The following CHN2 variants were observed in gnomAD, a reference collection of about 807,000 sequenced individuals.
The protein encoded by CHN2 is chimerin 2, also known as beta-chimaerin.
In CHN2, 35 loss-of-function variants were observed where a neutral mutation model predicts 56.3. That is an observed-to-expected ratio of 0.62 (90% confidence interval 0.47 to 0.82). The LOEUF (loss-of-function observed/expected upper bound fraction) is 0.82, where lower values mean the gene tolerates loss of function less well. Among genes scored for constraint, CHN2 ranks in the 40% least tolerant of loss-of-function variants. The pLI is 0.00. For missense variants in CHN2, 491 were observed against 580.5 expected (o/e 0.85, Z 1.58); for synonymous variants, 210 against 212.8 (o/e 0.99, Z 0.12).
chr7:29,284,794 CT>C (rs1431753450), intron 1 of CHN2, among the ~76,000 whole-genome samples: 1 of 152,218 alleles, frequency 6.6e-6, no homozygotes, highest in Non-Finnish European at 1.5e-5. Context: ...TCGTTTTAAG[CT>C]GCTAAGTTTG....
At chr7:29,241,365 C>A (rs368084037) in intron 1 of CHN2, among the ~76,000 whole-genome samples, 1 of 152,092 alleles carries the variant, frequency 6.6e-6, no homozygotes, top group Non-Finnish European at 1.5e-5. Context: ...TCCCACCTGG[C>A]CTTTGGAATC....
intron 1 of CHN2, among the ~76,000 whole-genome samples, chr7:29,206,818 GA>G (rs2128774832): frequency 6.6e-6 from 1 of 152,214 alleles, no homozygotes; most frequent in African/African-American, 2.4e-5. Flanking sequence ...GATGAGCCTG[GA>G]AAACAGTATG....
rs568593038 is a variant in CHN2, at chr7:29,225,306, C to T, written c.49+30316C>T. 9.9e-5 allele frequency among the ~76,000 whole-genome samples: 15 copies of T among 152,126 alleles called. No homozygotes were observed. In the South Asian group the frequency reaches 2.9e-3, roughly 29 times the overall value. ...GTTGTACCTGGACATAGAGAATTAG[C>T]CTGGAAAGATTTGTTGCTACCAAAT... On this transcript the variant is annotated intron_variant, in intron 1 of 12. Transcript: ENST00000222792.
intron 1 of CHN2, among the ~76,000 whole-genome samples, chr7:29,333,267 G>C (rs908234847): frequency 6.6e-6 from 1 of 152,158 alleles, no homozygotes; most frequent in African/African-American, 2.4e-5. Context: ...CACACCAGGC[G>C]TCAGTGGAGG....
chr7:29,334,115 G>A (rs1387985880), intron 1 of CHN2, among the ~76,000 whole-genome samples: 5 of 145,746 alleles, frequency 3.4e-5, no homozygotes, highest in Non-Finnish European at 6.0e-5. Flanking sequence ...GCAGTGGCGC[G>A]ATCTCGGCTC....
At chr7:29,427,388 A>T (rs1486816668) in intron 6 of CHN2, among the ~76,000 whole-genome samples, 1 of 152,168 alleles carries the variant, frequency 6.6e-6, no homozygotes, top group African/African-American at 2.4e-5. Context: ...GACTAATTAC[A>T]TCTGCAGAAT....
intron 3 of CHN2, among the ~76,000 whole-genome samples, chr7:29,381,250 G>T (rs773835307): frequency 2.6e-5 from 4 of 152,158 alleles, no homozygotes; most frequent in Admixed American, 2.6e-4. Flanking sequence ...GCCTCCTGGG[G>T]ATCTGGCTTG....
At chr7:29,174,896 G>GGAACAAGAA (rs1051221473) in intron 2 of CHN2, among the ~76,000 whole-genome samples, 1 of 150,794 alleles carries the variant, frequency 6.6e-6, no homozygotes, top group Non-Finnish European at 1.5e-5. Context: ...GAGAGATACA[G>GGAACAAGAA]GAACAAGAAG....
Position 29,393,713 on chromosome 7 carries a change from A to G in CHN2, c.176+3A>G. On this transcript the variant is annotated splice_donor_region_variant and intron_variant, in intron 4 of 12. Coordinates refer to ENST00000222792, the MANE Select transcript of CHN2 (RefSeq NM_004067.4). ...AGACCAAAATATTATGGAAGAGAGT[A>G]TGTATTATACTATTCTTTGTTTTAA... 1.2e-6 allele frequency: 1 copy of G among 862,220 alleles called. No homozygotes were observed. The highest frequency in any genetic ancestry group is 1.7e-6 in the Non-Finnish European group (1 of 578,880). 53.4% of individuals were successfully genotyped at this position (862,220 alleles called of 1,614,324 possible). A position where few individuals can be genotyped will look rare whatever the true frequency, so the allele number is the denominator to read the frequency against.
intron 1 of CHN2, among the ~76,000 whole-genome samples, chr7:29,321,848 C>T (rs749444058): frequency 9.3e-4 from 141 of 152,210 alleles, no homozygotes; most frequent in Non-Finnish European, 1.4e-3. Context: ...GGGATACAGG[C>T]GTGAGCCACC....
chr7:29,347,550 C>T (rs1363854586), intron 1 of CHN2, among the ~76,000 whole-genome samples: 1 of 152,088 alleles, frequency 6.6e-6, no homozygotes, highest in Admixed American at 6.6e-5. Flanking sequence ...CACTTTTAAG[C>T]CATCAAATCT....
At chr7:29,437,966 A>T (rs1783364059) in intron 6 of CHN2, among the ~76,000 whole-genome samples, 1 of 152,180 alleles carries the variant, frequency 6.6e-6, no homozygotes, top group Non-Finnish European at 1.5e-5. Context: ...TTTTGAGTGG[A>T]TTTCTAGATG....
At chr7:29,221,924 G>C (rs188053952) in intron 1 of CHN2, among the ~76,000 whole-genome samples, 1 of 152,078 alleles carries the variant, frequency 6.6e-6, no homozygotes, top group Non-Finnish European at 1.5e-5. Context: ...GTGAACATAC[G>C]CATGCATGTA....
chr7:29,247,668 G>T (rs1360640271), intron 1 of CHN2, among the ~76,000 whole-genome samples: 2 of 152,218 alleles, frequency 1.3e-5, no homozygotes, highest in Admixed American at 6.5e-5. Flanking sequence ...TCACCGCCCC[G>T]ATGGTGCCTC....
chr7:29,422,172 A>G (rs958510220), intron 6 of CHN2, among the ~76,000 whole-genome samples: 1 of 152,074 alleles, frequency 6.6e-6, no homozygotes, highest in African/African-American at 2.4e-5. Flanking sequence ...TTCCGGGTCA[A>G]GTGTGTTAAT....
intron 3 of CHN2, among the ~76,000 whole-genome samples, chr7:29,374,728 A>G (rs570968992): frequency 6.6e-6 from 1 of 152,282 alleles, no homozygotes. Context: ...ATGGGAAATT[A>G]AACAGTGATT....
chr7:29,437,116 T>A (rs1245379130), intron 6 of CHN2, among the ~76,000 whole-genome samples: 1 of 152,168 alleles, frequency 6.6e-6, no homozygotes, highest in Non-Finnish European at 1.5e-5. Flanking sequence ...ATATATTTGT[T>A]GTATCTTTAA....
At chr7:29,422,337 G>A (rs1308951957) in intron 6 of CHN2, among the ~76,000 whole-genome samples, 2 of 152,168 alleles carry the variant, frequency 1.3e-5, no homozygotes, top group Non-Finnish European at 2.9e-5. Context: ...GCCGGCACCC[G>A]CCAGGTGTGC....
chr7:29,175,457 T>G (rs1797183087), intron 2 of CHN2, among the ~76,000 whole-genome samples: 1 of 152,176 alleles, frequency 6.6e-6, no homozygotes, highest in Non-Finnish European at 1.5e-5. Flanking sequence ...ATTACAGGTA[T>G]GAGCCACCAT....
Sources: gnomAD v4.1 joint callset for allele counts (sites outside exome capture counted in the v4.1 genomes callset) on GRCh38, gnomAD v4.1.1 for gene constraint, MANE v1.5 for transcripts, NCBI Gene and HGNC (gene_info 2026-07-23, HGNC 2026-07-21) for gene names.